TNIK: variants seen among roughly 807,000 people sequenced by gnomAD.
TNIK encodes TRAF2 and NCK interacting kinase, also known as TRAF2 and NCK-interacting protein kinase.
Under a neutral mutation model 191.3 loss-of-function variants are expected in TNIK, and 49 were observed. The ratio of observed to expected loss-of-function variants is 0.26; its 90% CI spans 0.20 to 0.32. The LOEUF (loss-of-function observed/expected upper bound fraction) is 0.32, where lower values mean the gene tolerates loss of function less well. Ranked by LOEUF, TNIK falls within the 10% of genes least tolerant of loss-of-function variation. The pLI is 1.00. For synonymous variants in TNIK, 594 were observed against 600.9 expected (o/e 0.99, Z 0.17); for missense variants, 1,155 against 1,702.3 (o/e 0.68, Z 5.66).
At chr3:171,118,752 C>T (rs1176223265) in intron 18 of TNIK, among the ~76,000 whole-genome samples, 1 of 152,174 alleles carries the variant, frequency 6.6e-6, no homozygotes, top group African/African-American at 2.4e-5. Context: ...AAAGCTGAAA[C>T]TGGATCCCTT....
intron 2 of TNIK, among the ~76,000 whole-genome samples, chr3:171,276,060 T>C (rs1749704876): frequency 6.6e-6 from 1 of 152,074 alleles, no homozygotes; most frequent in Non-Finnish European, 1.5e-5. Context: ...ACTCTTCCCC[T>C]CCACTCCATT....
intron 2 of TNIK, among the ~76,000 whole-genome samples, chr3:171,244,667 A>G (rs981176241): frequency 2.6e-5 from 4 of 151,946 alleles, no homozygotes; most frequent in African/African-American, 9.7e-5. Flanking sequence ...TGAACTCGAA[A>G]TTTAATCCAT....
intron 2 of TNIK, among the ~76,000 whole-genome samples, chr3:171,247,338 G>A (rs1745702689): frequency 6.6e-6 from 1 of 152,204 alleles, no homozygotes; most frequent in Non-Finnish European, 1.5e-5. Flanking sequence ...TAGATCCAAA[G>A]AATAAATAAG....
At chr3:171,071,386 TTAATGAA>T in intron 28 of TNIK, 63 bp from the exon 29 acceptor site, 1 of 1,141,296 alleles carries the variant, frequency 8.8e-7, no homozygotes. Context: ...TGTATTAATA[TTAATGAA>T]TGTATAAGCA....
rs1272594126 is a variant in TNIK at position 171,453,905 on chromosome 3, TCCAA to T, written c.57+6098_57+6101del. Among the ~76,000 whole-genome samples, 128 of 152,250 alleles carry T rather than the reference TCCAA, an allele frequency of 8.4e-4. 1 individual carries two copies. The highest frequency in any genetic ancestry group is 3.0e-3 in the African/African-American group (125 of 41,536). ...ATGTTTCTCTAAAGGGAAATAAGCT[TCCAA>T]CCAGACTGGAAGGAATCACAAGCGG... On this transcript the variant is annotated intron_variant, in intron 1 of 32. Coordinates refer to ENST00000436636, the MANE Select transcript of TNIK (RefSeq NM_015028.4).
chr3:171,189,234 G>A (rs560204538), intron 6 of TNIK, among the ~76,000 whole-genome samples: 12 of 152,128 alleles, frequency 7.9e-5, no homozygotes, highest in South Asian at 6.2e-4. Context: ...GTTCATCCAC[G>A]TTGCAGCATG....
At chr3:171,331,201 GC>G (rs1188025487) in intron 2 of TNIK, among the ~76,000 whole-genome samples, 1 of 152,100 alleles carries the variant, frequency 6.6e-6, no homozygotes, top group Non-Finnish European at 1.5e-5. Context: ...GAAGAAAGGG[GC>G]CCTGACAGTG....
intron 3 of TNIK, among the ~76,000 whole-genome samples, chr3:171,218,276 G>A (rs1741700615): frequency 6.6e-6 from 1 of 152,068 alleles, no homozygotes. Context: ...CAATGAAGTG[G>A]AGTTCCCTAA....
chr3:171,217,112 A>G (rs1429151804), intron 3 of TNIK, among the ~76,000 whole-genome samples: 1 of 152,146 alleles, frequency 6.6e-6, no homozygotes, highest in Non-Finnish European at 1.5e-5. Flanking sequence ...TGTTCACCGC[A>G]GCACTATTCA....
At position 171,137,065 on chromosome 3, in the gene TNIK, G is replaced by C. The variant is rs576882858; in HGVS notation, c.1608+1126C>G. 4.1e-5 allele frequency among the ~76,000 whole-genome samples: 6 copies of C among 145,856 alleles called. No homozygotes were observed. The South Asian group carries it at 1.3e-3, about 32-fold the overall frequency. On this transcript the variant is annotated intron_variant, in intron 15 of 32. Coordinates refer to ENST00000436636, the MANE Select transcript of TNIK (RefSeq NM_015028.4). ...AAAAAAATACATGATCACTCTAAAG[G>C]ATTTAAACAATATGTAAAAGTACAA...
chr3:171,260,582 T>A (rs754820394), intron 2 of TNIK, among the ~76,000 whole-genome samples: 1 of 152,178 alleles, frequency 6.6e-6, no homozygotes, highest in Admixed American at 6.5e-5. Flanking sequence ...AGCATCTTTG[T>A]ACTATGAGTT....
chr3:171,292,533 T>C (rs780400866), intron 2 of TNIK, among the ~76,000 whole-genome samples: 3 of 152,144 alleles, frequency 2.0e-5, no homozygotes, highest in Non-Finnish European at 4.4e-5. Flanking sequence ...TCCCAGCACT[T>C]TGGGAGGCCC....
intron 4 of TNIK, among the ~76,000 whole-genome samples, chr3:171,196,425 A>G (rs1175989572): frequency 1.3e-5 from 2 of 152,216 alleles, no homozygotes; most frequent in African/African-American, 4.8e-5. Context: ...GCCAAAAATA[A>G]AAACAGAAAT....
chr3:171,270,187 T>C (rs1359880431), intron 2 of TNIK, among the ~76,000 whole-genome samples: 1 of 152,154 alleles, frequency 6.6e-6, no homozygotes, highest in African/African-American at 2.4e-5. Flanking sequence ...CTGCCACAGT[T>C]GGGTAGGTCA....
At chr3:171,179,734 G>A (rs1314662992) in intron 7 of TNIK, among the ~76,000 whole-genome samples, 1 of 152,196 alleles carries the variant, frequency 6.6e-6, no homozygotes, top group Non-Finnish European at 1.5e-5. Flanking sequence ...ACAGGCATGA[G>A]CCACCGTGCC....
At chr3:171,272,035 T>C (rs1749167364) in intron 2 of TNIK, among the ~76,000 whole-genome samples, 1 of 152,134 alleles carries the variant, frequency 6.6e-6, no homozygotes, top group Non-Finnish European at 1.5e-5. Flanking sequence ...GGAAACTGGG[T>C]CCATAGAAGG....
chr3:171,261,578 C>G (rs1427069345), intron 2 of TNIK, among the ~76,000 whole-genome samples: 2 of 152,196 alleles, frequency 1.3e-5, no homozygotes, highest in Non-Finnish European at 1.5e-5. Context: ...TTGATAAAAT[C>G]AAGGCAAACA....
At chr3:171,081,298 T>C (rs1171632671) in intron 27 of TNIK, among the ~76,000 whole-genome samples, 1 of 151,950 alleles carries the variant, frequency 6.6e-6, no homozygotes, top group African/African-American at 2.4e-5. Flanking sequence ...CAAAAGCATT[T>C]TGTCAAAATG....
chr3:171,117,464 TCA>T (rs905853180), intron 18 of TNIK, among the ~76,000 whole-genome samples: 37 of 125,988 alleles, frequency 2.9e-4, no homozygotes, highest in Non-Finnish European at 4.7e-4. Flanking sequence ...AGTCAACACC[TCA>T]CAGAGTTGTT....
Sources: gnomAD v4.1 joint callset for allele counts (sites outside exome capture counted in the v4.1 genomes callset) on GRCh38, gnomAD v4.1.1 for gene constraint, MANE v1.5 for transcripts, NCBI Gene and HGNC (gene_info 2026-07-23, HGNC 2026-07-21) for gene names.